GGNBP2: variants seen among roughly 807,000 people sequenced by gnomAD.
GGNBP2 encodes gametogenetin-binding protein 2.
GGNBP2 carries 10 observed loss-of-function variants against 85.9 expected under a neutral mutation model. That is an observed-to-expected ratio of 0.12 (90% CI 0.07 to 0.20). GGNBP2 has a LOEUF of 0.20. GGNBP2 is among the 10% of genes least tolerant of loss of function. The pLI, the probability that GGNBP2 is intolerant of heterozygous loss-of-function variation, is 1.00. For missense variants in GGNBP2, 595 were observed against 857.8 expected (o/e 0.69, Z 3.83); for synonymous variants, 287 against 285.7 (o/e 1.00, Z -0.05).
chr17:36,571,865 A>AAAAT (rs931319597), intron 6 of GGNBP2, among the ~76,000 whole-genome samples: 8 of 151,806 alleles, frequency 5.3e-5, no homozygotes, highest in Admixed American at 1.3e-4. Context: ...ATAGTAAATA[A>AAAAT]AAATAAATAA....
chr17:36,555,339 A>G (rs1308913544), intron 3 of GGNBP2, among the ~76,000 whole-genome samples: 28 of 152,228 alleles, frequency 1.8e-4, no homozygotes, highest in Non-Finnish European at 5.9e-5. Context: ...GTCCCTCAGT[A>G]TCCGTGGGGG....
At chr17:36,555,563 G>A (rs980549372) in intron 3 of GGNBP2, among the ~76,000 whole-genome samples, 7 of 152,194 alleles carry the variant, frequency 4.6e-5, no homozygotes, top group African/African-American at 1.7e-4. Context: ...AGACATGGCA[G>A]CATGTGCCTG....
intron 6 of GGNBP2, among the ~76,000 whole-genome samples, chr17:36,572,584 G>T (rs1412731865): frequency 6.6e-6 from 1 of 152,112 alleles, no homozygotes; most frequent in African/African-American, 2.4e-5. Flanking sequence ...AGGTACTCAG[G>T]TGGATGAGGC....
chr17:36,560,437 C>T (rs558662248), intron 4 of GGNBP2, among the ~76,000 whole-genome samples: 31 of 152,274 alleles, frequency 2.0e-4, no homozygotes, highest in African/African-American at 7.0e-4. Flanking sequence ...TTTTTAAAGA[C>T]ATGGGATCTC....
At chr17:36,564,557 A>G (rs932313962) in intron 5 of GGNBP2, among the ~76,000 whole-genome samples, 2 of 152,210 alleles carry the variant, frequency 1.3e-5, no homozygotes, top group Non-Finnish European at 2.9e-5. Flanking sequence ...GTATGGAATC[A>G]GTGTGAATGG....
At chr17:36,574,896 T>C in intron 6 of GGNBP2, 1 of 794,954 alleles carries the variant, frequency 1.3e-6, no homozygotes, top group Non-Finnish European at 2.1e-6. Context: ...TGGATGGCAG[T>C]GGCCACCTCC....
chr17:36,585,281 T>C lies in GGNBP2; in HGVS notation c.1216-19T>C. The C allele has an allele frequency of 6.2e-7, 1 of 1,607,078 alleles. No individual in the cohort carries two copies. The highest frequency in any genetic ancestry group is 8.5e-7 in the Non-Finnish European group (1 of 1,176,964). On this transcript the variant is annotated intron_variant, in intron 9 of 13. Coordinates refer to ENST00000613102, the MANE Select transcript of GGNBP2 (RefSeq NM_024835.5). ...ATGGAGTAAAGCTCTTGACTCTCTC[T>C]TAATGTTGATCCTTAAAGGAAACAG... is the stretch of plus-strand genomic sequence containing the variant.
chr17:36,569,300 T>A (rs2074499493), intron 6 of GGNBP2, among the ~76,000 whole-genome samples: 1 of 152,124 alleles, frequency 6.6e-6, no homozygotes, highest in Non-Finnish European at 1.5e-5. Context: ...TAGTCCCAGC[T>A]ACTTGGGAGA....
chr17:36,571,333 C>A (rs775263836), intron 6 of GGNBP2, among the ~76,000 whole-genome samples: 8 of 151,546 alleles, frequency 5.3e-5, no homozygotes, highest in Non-Finnish European at 8.8e-5. Flanking sequence ...GGGTGGATCA[C>A]AAGGTCAGGA....
chr17:36,547,582 T>A (rs2074267399), intron 2 of GGNBP2: 1 of 152,252 alleles, frequency 6.6e-6, no homozygotes, highest in South Asian at 2.1e-4. Flanking sequence ...TTATACTGTA[T>A]TCTCTCCACA....
chr17:36,585,637 A>G, intron 10 of GGNBP2, 187 bp downstream of exon 10: 1 of 626,984 alleles, frequency 1.6e-6, no homozygotes, highest in Non-Finnish European at 2.6e-6. Context: ...TATTTTTGAC[A>G]AAAACGAAAA....
At chr17:36,558,853 C>G (rs1283660505) in intron 4 of GGNBP2, among the ~76,000 whole-genome samples, 1 of 151,846 alleles carries the variant, frequency 6.6e-6, no homozygotes, top group Non-Finnish European at 1.5e-5. Context: ...TTACTTTGAC[C>G]TCTGTATTGA....
At chr17:36,549,847 C>G (rs905079094) in intron 2 of GGNBP2, among the ~76,000 whole-genome samples, 1 of 151,928 alleles carries the variant, frequency 6.6e-6, no homozygotes, top group Non-Finnish European at 1.5e-5. Context: ...AAAATGTTTT[C>G]TCAGGCTTTT....
intron 6 of GGNBP2, among the ~76,000 whole-genome samples, 155 bp downstream of exon 6, chr17:36,567,931 C>CTT (rs373695854): frequency 2.6e-4 from 38 of 143,566 alleles, no homozygotes; most frequent in African/African-American, 3.1e-4. Flanking sequence ...TAGGCAGTTC[C>CTT]TTTTTTTTTT....
At chr17:36,575,648 A>ATATATATATATATATATATTT (rs374366757) in intron 6 of GGNBP2, among the ~76,000 whole-genome samples, 3 of 54,902 alleles carry the variant, frequency 5.5e-5, no homozygotes, top group African/African-American at 1.1e-4. Flanking sequence ...ATATATATAT[A>ATATATATATATATATATATTT]TTTTTTTTTT....
intron 2 of GGNBP2, among the ~76,000 whole-genome samples, chr17:36,553,061 G>A (rs928579524): frequency 6.8e-6 from 1 of 147,408 alleles, no homozygotes; most frequent in African/African-American, 2.5e-5. Context: ...ATGGAAGCAT[G>A]TCTCTAAACA....
chr17:36,555,617 G>T (rs1197292576), intron 3 of GGNBP2, among the ~76,000 whole-genome samples: 3 of 152,178 alleles, frequency 2.0e-5, no homozygotes, highest in Non-Finnish European at 4.4e-5. Flanking sequence ...GATCTCTTGA[G>T]CCCAGGAGGC....
intron 7 of GGNBP2, chr17:36,578,447 C>T (rs971052762): frequency 5.0e-6 from 2 of 398,272 alleles, no homozygotes; most frequent in Non-Finnish European, 8.9e-6. Flanking sequence ...TTCATTGTTA[C>T]AGACTATCAT....
At chr17:36,552,786 C>T (rs1287268985) in intron 2 of GGNBP2, among the ~76,000 whole-genome samples, 3 of 152,100 alleles carry the variant, frequency 2.0e-5, no homozygotes, top group African/African-American at 4.8e-5. Flanking sequence ...TTTGGGAGTC[C>T]GAGGCAGGCA....
Sources: gnomAD v4.1 joint callset for allele counts (sites outside exome capture counted in the v4.1 genomes callset) on GRCh38, gnomAD v4.1.1 for gene constraint, MANE v1.5 for transcripts, NCBI Gene and HGNC (gene_info 2026-07-23, HGNC 2026-07-21) for gene names.